MEGF10: variants seen among roughly 807,000 people sequenced by gnomAD.
MEGF10 encodes multiple EGF like domains 10, also known as multiple epidermal growth factor-like domains protein 10.
Under a neutral mutation model 147.5 loss-of-function variants are expected in MEGF10, and 86 were observed. That is an observed-to-expected ratio of 0.58 (90% CI 0.49 to 0.70). MEGF10 has a LOEUF of 0.70. Ranked by LOEUF, MEGF10 falls within the 30% of genes least tolerant of loss-of-function variation. The pLI is 0.00. For missense variants in MEGF10, 1,329 were observed against 1,487.3 expected, an observed-to-expected ratio of 0.89 and a Z score of 1.75; for synonymous variants, 478 against 525.5, an observed-to-expected ratio of 0.91 and a Z score of 1.24.
chr5:127,295,238 A>G (rs1038991450), intron 1 of MEGF10, among the ~76,000 whole-genome samples: 2 of 152,222 alleles, frequency 1.3e-5, no homozygotes, highest in Admixed American at 6.5e-5. Context: ...ATATATTATG[A>G]AATCTCTAAT....
chr5:127,441,877 CT>C (rs1033278083), intron 18 of MEGF10, among the ~76,000 whole-genome samples: 2 of 152,174 alleles, frequency 1.3e-5, no homozygotes, highest in African/African-American at 4.8e-5. Flanking sequence ...GTGCTAAACC[CT>C]AGGGTATTTT....
At chr5:127,353,134 T>A (rs1762147171) in intron 4 of MEGF10, among the ~76,000 whole-genome samples, 1 of 152,212 alleles carries the variant, frequency 6.6e-6, no homozygotes, top group African/African-American at 2.4e-5. Flanking sequence ...GATCTCTGAT[T>A]TCTGGCAGTG....
intron 4 of MEGF10, among the ~76,000 whole-genome samples, chr5:127,353,329 A>G (rs1762155535): frequency 1.3e-5 from 2 of 152,198 alleles, no homozygotes; most frequent in Admixed American, 6.5e-5. Context: ...AATTTACACA[A>G]CTGGTTTCCA....
At chr5:127,352,850 G>A (rs1762133565) in intron 4 of MEGF10, among the ~76,000 whole-genome samples, 1 of 152,216 alleles carries the variant, frequency 6.6e-6, no homozygotes, top group South Asian at 2.1e-4. Flanking sequence ...TGATAAAGAA[G>A]ACAGTTTGAG....
intron 4 of MEGF10, 38 bp from the exon 5 acceptor site, chr5:127,369,872 G>A: frequency 2.6e-6 from 4 of 1,547,768 alleles, no homozygotes; most frequent in Non-Finnish European, 3.5e-6. Context: ...TTTTTCTTGT[G>A]CCAACTTTCT....
chr5:127,396,481 T>G, intron 5 of MEGF10, 51 bp from the exon 6 acceptor site: 1 of 1,472,900 alleles, frequency 6.8e-7, no homozygotes, highest in Non-Finnish European at 9.0e-7. Flanking sequence ...GGCGAAGAAA[T>G]CTGGTTCTCC....
chr5:127,310,064 TTCTC>T (rs1386111114), intron 1 of MEGF10, among the ~76,000 whole-genome samples: 1 of 141,190 alleles, frequency 7.1e-6, no homozygotes, highest in Non-Finnish European at 1.5e-5. Context: ...CTTTCTTTCT[TTCTC>T]TCTTTCTTTC....
intron 2 of MEGF10, among the ~76,000 whole-genome samples, chr5:127,331,991 C>T (rs1236402688): frequency 6.6e-6 from 1 of 151,688 alleles, no homozygotes; most frequent in Non-Finnish European, 1.5e-5. Flanking sequence ...GTCAGTTTGG[C>T]AGTTTGAAAT....
At chr5:127,436,265 T>A (rs980233937) in intron 16 of MEGF10, among the ~76,000 whole-genome samples, 1 of 152,232 alleles carries the variant, frequency 6.6e-6, no homozygotes, top group Non-Finnish European at 1.5e-5. Flanking sequence ...GATAATTTAA[T>A]TCAAACTTCA....
At chr5:127,263,689 C>T in the MEGF10 span, among the ~76,000 whole-genome samples, 2 of 152,226 alleles carry the variant, frequency 1.3e-5, no homozygotes, top group Admixed American at 6.5e-5. Flanking sequence ...TTTGAACAGA[C>T]ATAAACATGC....
intron 5 of MEGF10, among the ~76,000 whole-genome samples, chr5:127,382,527 A>T (rs1203621281): frequency 1.3e-5 from 2 of 152,222 alleles, no homozygotes; most frequent in Non-Finnish European, 2.9e-5. Flanking sequence ...TTTAAGAAAA[A>T]AGAAACTTAT....
chr5:127,364,951 G>A (rs534871845), intron 4 of MEGF10, among the ~76,000 whole-genome samples: 189 of 152,236 alleles, frequency 1.2e-3, no homozygotes, highest in Non-Finnish European at 2.1e-3. Flanking sequence ...ATGAATATTG[G>A]GGAAATTACC....
chr5:127,247,350 G>C, the MEGF10 span, among the ~76,000 whole-genome samples: 7 of 2,012 alleles, frequency 3.5e-3, no homozygotes, highest in African/African-American at 0.013. Flanking sequence ...AGAAGAAGAA[G>C]AAGAAGAAGA....
chr5:127,335,411 A>G (rs970167101), intron 2 of MEGF10, among the ~76,000 whole-genome samples: 1 of 152,194 alleles, frequency 6.6e-6, no homozygotes, highest in Non-Finnish European at 1.5e-5. Flanking sequence ...GAGTGTTAGC[A>G]GAGGAACTAA....
Position 127,445,595 on chromosome 5 carries a change from T to G in MEGF10, c.2630T>G (p.Ile877Ser). 6.2e-7 allele frequency: 1 copy of G among 1,614,108 alleles called. No homozygotes were observed. The highest frequency in any genetic ancestry group is 8.5e-7 in the Non-Finnish European group (1 of 1,180,016). Residue 877 changes from isoleucine to serine, a missense_variant, in exon 20 of 25, where the codon ATT becomes AGT. By Grantham distance (142) the Ile-to-Ser change is moderately radical. Transcript: ENST00000503335. ...LVVLFLLALF[I>S]IYRHKQKGKE... ...GTTCTCTTCCTACTGGCATTGTTCA[T>G]TATTTATAGACACAAGCAGAAGGGA...
At chr5:127,275,404 C>A in the MEGF10 span, among the ~76,000 whole-genome samples, 1 of 152,052 alleles carries the variant, frequency 6.6e-6, no homozygotes, top group African/African-American at 2.4e-5. Flanking sequence ...CTATCAGAGT[C>A]GGGAGCTTGC....
chr5:127,420,723 C>G (rs906394767), intron 12 of MEGF10, among the ~76,000 whole-genome samples: 2 of 152,202 alleles, frequency 1.3e-5, no homozygotes, highest in East Asian at 1.9e-4. Context: ...ATAGCTCACT[C>G]TATTCCCTTG....
intron 4 of MEGF10, among the ~76,000 whole-genome samples, chr5:127,354,465 C>T (rs1762202132): frequency 1.3e-5 from 2 of 152,190 alleles, no homozygotes; most frequent in South Asian, 4.1e-4. Flanking sequence ...TTGGAAGTGG[C>T]TGCCTGGAAC....
intron 1 of MEGF10, among the ~76,000 whole-genome samples, chr5:127,309,669 T>C (rs1209224644): frequency 1.3e-5 from 2 of 152,212 alleles, no homozygotes; most frequent in Admixed American, 6.5e-5. Flanking sequence ...ATATACCACA[T>C]TGTGTTTATC....
Sources: allele counts gnomAD v4.1 joint callset (sites outside exome capture counted in the v4.1 genomes callset), GRCh38; gene constraint gnomAD v4.1.1; transcripts MANE v1.5; gene names NCBI Gene and HGNC (gene_info 2026-07-23, HGNC 2026-07-21).